The following RHBDD1 variants were observed in gnomAD, a reference collection of about 807,000 sequenced individuals.
RHBDD1 encodes the protein rhomboid domain containing 1, also known as rhomboid-related protein 4.
In RHBDD1, 38 loss-of-function variants were observed where a neutral mutation model predicts 36.3. The ratio of observed to expected loss-of-function variants is 1.05; its 90% CI spans 0.81 to 1.37. The LOEUF is 1.37. RHBDD1 is among the 40% of genes most tolerant of loss of function. RHBDD1 has a pLI of 0.00. For synonymous variants in RHBDD1, 151 were observed against 136.5 expected (o/e 1.11, Z -0.74); for missense variants, 393 against 377.6 (o/e 1.04, Z -0.34).
At chr2:226,965,457 G>A (rs779509871) in intron 8 of RHBDD1, among the ~76,000 whole-genome samples, 2 of 152,214 alleles carry the variant, frequency 1.3e-5, no homozygotes, top group African/African-American at 2.4e-5. Flanking sequence ...AAAGCAGAAG[G>A]CCAGTAGGAG....
At chr2:226,939,039 C>T (rs1305644750) in intron 8 of RHBDD1, among the ~76,000 whole-genome samples, 1 of 152,164 alleles carries the variant, frequency 6.6e-6, no homozygotes, top group African/African-American at 2.4e-5. Flanking sequence ...ACTTGATTAT[C>T]TCAATAGATG....
At chr2:226,811,694 A>G in the RHBDD1 span, among the ~76,000 whole-genome samples, 1 of 152,228 alleles carries the variant, frequency 6.6e-6, no homozygotes, top group Admixed American at 6.5e-5. Context: ...TTTGAGGGGA[A>G]TGATTTTTCT....
chr2:226,978,449 C>T (rs1954984931), intron 8 of RHBDD1, among the ~76,000 whole-genome samples: 2 of 152,186 alleles, frequency 1.3e-5, no homozygotes, highest in African/African-American at 4.8e-5. Context: ...GATCTGACCC[C>T]TGGACATATG....
intron 8 of RHBDD1, among the ~76,000 whole-genome samples, chr2:226,930,803 A>T (rs951180869): frequency 3.9e-5 from 6 of 152,118 alleles, no homozygotes; most frequent in African/African-American, 1.4e-4. Context: ...AAAAAAAATA[A>T]ACCTGTCAAA....
At chr2:226,911,532 G>A (rs1296214348) in intron 7 of RHBDD1, among the ~76,000 whole-genome samples, 2 of 139,176 alleles carry the variant, frequency 1.4e-5, no homozygotes, top group African/African-American at 5.4e-5. Flanking sequence ...TTGTCCTCAT[G>A]TGAAAGTTCT....
chr2:226,843,146 G>T (rs1330179890), intron 3 of RHBDD1, among the ~76,000 whole-genome samples: 1 of 152,178 alleles, frequency 6.6e-6, no homozygotes, highest in African/African-American at 2.4e-5. Context: ...TGCTGAAGTT[G>T]CTTATCAGCT....
chr2:226,986,872 A>G (rs538653481), intron 8 of RHBDD1, among the ~76,000 whole-genome samples: 1 of 152,362 alleles, frequency 6.6e-6, no homozygotes, highest in African/African-American at 2.4e-5. Flanking sequence ...ATAAAGACAC[A>G]TGCACGTGTG....
At chr2:226,970,722 T>G (rs1403809318) in intron 8 of RHBDD1, among the ~76,000 whole-genome samples, 2 of 152,246 alleles carry the variant, frequency 1.3e-5, no homozygotes, top group Non-Finnish European at 2.9e-5. Context: ...TTTTATTTGA[T>G]TCTCAAAACT....
chr2:226,806,183 T>C, the RHBDD1 span, among the ~76,000 whole-genome samples: 6 of 152,330 alleles, frequency 3.9e-5, no homozygotes, highest in Non-Finnish European at 8.8e-5. Flanking sequence ...ACATTAGTTT[T>C]CTGTGGATTG....
chr2:226,891,330 T>G (rs1237725190), intron 5 of RHBDD1, among the ~76,000 whole-genome samples: 1 of 152,116 alleles, frequency 6.6e-6, no homozygotes, highest in African/African-American at 2.4e-5. Flanking sequence ...GCCACTTGAC[T>G]CTCTCCCTAA....
At chr2:226,870,300 A>G (rs1377743366) in intron 5 of RHBDD1, among the ~76,000 whole-genome samples, 1 of 152,244 alleles carries the variant, frequency 6.6e-6, no homozygotes, top group Non-Finnish European at 1.5e-5. Flanking sequence ...GGAAGTACTC[A>G]ACCCTTTTAT....
chr2:226,819,737 T>G, the RHBDD1 span, among the ~76,000 whole-genome samples: 1 of 152,240 alleles, frequency 6.6e-6, no homozygotes, highest in Admixed American at 6.5e-5. Context: ...TTTTTCTACT[T>G]CATAAAAAAT....
chr2:226,803,333 T>TGAGA, the RHBDD1 span, among the ~76,000 whole-genome samples: 1 of 147,666 alleles, frequency 6.8e-6, no homozygotes, highest in Non-Finnish European at 1.5e-5. Context: ...TGTGTGTGTG[T>TGAGA]GAGAGAGAGA....
At chr2:226,836,660 T>C (rs762712341) in intron 1 of RHBDD1, among the ~76,000 whole-genome samples, 6 of 152,224 alleles carry the variant, frequency 3.9e-5, no homozygotes, top group Non-Finnish European at 7.3e-5. Flanking sequence ...CATAAACTCT[T>C]TTGAAGACTC....
In RHBDD1 at chr2:226,998,045, T is replaced by A. The variant is rs1959900137; in HGVS notation, c.*2523T>A. The A allele has an allele frequency of 1.3e-5, 2 of 152,224 alleles. No homozygotes were observed. The highest frequency in any genetic ancestry group is 1.5e-5 in the Non-Finnish European group (1 of 68,040). The allele number at this position is 152,224 out of a possible 1,614,324, so 9.4% of individuals were successfully genotyped here. A position where few individuals can be genotyped will look rare whatever the true frequency, so the allele number is the denominator to read the frequency against. Reference sequence around the variant, plus strand: ...GAATAAGCACTTAGAGCTAATTTTTTAATTTGGTTTATTTATTAGTAGCTC... The same window carrying A: ...GAATAAGCACTTAGAGCTAATTTTTAAATTTGGTTTATTTATTAGTAGCTC... On this transcript the variant is annotated 3_prime_UTR_variant, in exon 9 of 9. Coordinates refer to ENST00000392062, the MANE Select transcript of RHBDD1 (RefSeq NM_001167608.3).
rs950799288 is a variant in RHBDD1 at position 226,974,178 on chromosome 2, C to T, written c.857-21253C>T. Among the ~76,000 whole-genome samples the T allele has an allele frequency of 3.3e-5, 5 of 152,188 alleles. No homozygotes were observed. In the South Asian group the frequency reaches 6.2e-4, roughly 19 times the overall value. On this transcript the variant is annotated intron_variant, in intron 8 of 8. Transcript: ENST00000392062. ...CTGTGCATAGAATGTGGGAAGGTTC[C>T]GCTGAAGAGGGACTTGAGCCCAGAG...
chr2:226,819,748 A>G, the RHBDD1 span, among the ~76,000 whole-genome samples: 5 of 152,240 alleles, frequency 3.3e-5, no homozygotes, highest in African/African-American at 7.2e-5. Context: ...CATAAAAAAT[A>G]TAGTTTAAAA....
chr2:226,877,550 CTTTTT>C (rs80311532), intron 5 of RHBDD1, among the ~76,000 whole-genome samples: 5 of 120,802 alleles, frequency 4.1e-5, no homozygotes, highest in Non-Finnish European at 9.0e-5. Context: ...AGCCATTTTC[CTTTTT>C]TTTTTTTTTT....
chr2:226,930,831 G>A (rs1949987276), intron 8 of RHBDD1, among the ~76,000 whole-genome samples: 2 of 151,938 alleles, frequency 1.3e-5, no homozygotes, highest in African/African-American at 2.4e-5. Flanking sequence ...CAAATGACAT[G>A]AATAGACATT....
Sources: gnomAD v4.1 joint callset for allele counts (sites outside exome capture counted in the v4.1 genomes callset) on GRCh38, gnomAD v4.1.1 for gene constraint, MANE v1.5 for transcripts, NCBI Gene and HGNC (gene_info 2026-07-23, HGNC 2026-07-21) for gene names.